Variants in HECW2 observed in about 807,000 individuals in gnomAD.
HECW2 encodes the protein E3 ubiquitin-protein ligase HECW2.
A neutral mutation model predicts 175.2 loss-of-function variants in HECW2; 61 were observed. The observed-to-expected ratio is 0.35, with a 90% CI of 0.28 to 0.43. The LOEUF (loss-of-function observed/expected upper bound fraction) is 0.43, where lower values mean the gene tolerates loss of function less well. Ranked by LOEUF, HECW2 falls within the 20% of genes least tolerant of loss-of-function variation. The pLI is 1.00. For missense variants in HECW2, 1,524 were observed against 2,000.5 expected, an observed-to-expected ratio of 0.76 and a Z score of 4.54; for synonymous variants, 671 against 731.0, an observed-to-expected ratio of 0.92 and a Z score of 1.32.
At chr2:196,381,382 T>C (rs1694203264) in intron 2 of HECW2, among the ~76,000 whole-genome samples, 1 of 152,174 alleles carries the variant, frequency 6.6e-6, no homozygotes, top group African/African-American at 2.4e-5. Context: ...TTTGGTGCCT[T>C]AGCTGTTAAT....
At chr2:196,217,194 G>A (rs1196213750) in intron 26 of HECW2, 101 bp from the exon 27 acceptor site, 7 of 758,958 alleles carry the variant, frequency 9.2e-6, no homozygotes, top group Middle Eastern at 2.4e-4. Context: ...TCATCCTCTT[G>A]AATTCTTTAC....
At chr2:196,296,347 G>A (rs1690814437) in intron 13 of HECW2, among the ~76,000 whole-genome samples, 1 of 152,122 alleles carries the variant, frequency 6.6e-6, no homozygotes, top group African/African-American at 2.4e-5. Context: ...TTCTCCATAG[G>A]CACGTGAGAT....
At chr2:196,583,835 A>T (rs1331116134) in intron 1 of HECW2, among the ~76,000 whole-genome samples, 1 of 152,246 alleles carries the variant, frequency 6.6e-6, no homozygotes, top group Non-Finnish European at 1.5e-5. Context: ...GCATCTGCCA[A>T]GTTTCCATAT....
intron 1 of HECW2, among the ~76,000 whole-genome samples, chr2:196,470,875 A>G (rs1309314477): frequency 6.6e-6 from 1 of 152,116 alleles, no homozygotes; most frequent in Non-Finnish European, 1.5e-5. Flanking sequence ...TAGAATGTAT[A>G]AAACTCAGAA....
chr2:196,542,987 T>C (rs1689281578), intron 1 of HECW2, among the ~76,000 whole-genome samples: 1 of 148,700 alleles, frequency 6.7e-6, no homozygotes, highest in African/African-American at 2.4e-5. Context: ...ATATCTAATA[T>C]ATATAAAATC....
chr2:196,276,795 T>G (rs2105979795), intron 15 of HECW2, among the ~76,000 whole-genome samples: 1 of 152,334 alleles, frequency 6.6e-6, no homozygotes, highest in African/African-American at 2.4e-5. Flanking sequence ...ATGTGCACCC[T>G]TCTATATCTG....
At chr2:196,388,293 C>CA (rs958281921) in intron 2 of HECW2, among the ~76,000 whole-genome samples, 7 of 151,724 alleles carry the variant, frequency 4.6e-5, no homozygotes, top group East Asian at 1.9e-4. Flanking sequence ...GACACTGTCT[C>CA]AAAAAAAATT....
chr2:196,569,619 G>T (rs1575682593), intron 1 of HECW2, among the ~76,000 whole-genome samples: 1 of 152,120 alleles, frequency 6.6e-6, no homozygotes, highest in Non-Finnish European at 1.5e-5. Context: ...TCACTAGGGG[G>T]ACCCTCTATC....
intron 1 of HECW2, among the ~76,000 whole-genome samples, chr2:196,521,721 G>C (rs565553683): frequency 1.9e-4 from 28 of 147,888 alleles, no homozygotes; most frequent in South Asian, 1.7e-3. Context: ...CTATGAGTGA[G>C]AATATGCAGT....
chr2:196,198,432 C>T lies in HECW2; in HGVS notation c.*2845G>A, dbSNP rs1411636362. ...CTCTCTTCATTCCTTGATTGTAGAA[C>T]TTACCAAATTTTATTAAAAACACTT... is the stretch of plus-strand genomic sequence containing the variant. On this transcript the variant is annotated 3_prime_UTR_variant, in exon 29 of 29. Coordinates refer to ENST00000644978, the MANE Select transcript of HECW2 (RefSeq NM_001348768.2). 6.6e-6 allele frequency: 1 copy of T among 152,144 alleles called. No individual in the cohort carries two copies. The highest frequency in any genetic ancestry group is 6.5e-5 in the Admixed American group (1 of 15,284). 9.4% of individuals were successfully genotyped at this position (152,144 alleles called of 1,614,324 possible).
rs1051813129 is a variant in HECW2 at position 196,194,926 on chromosome 2, C to A, written c.*6351G>T. 1.3e-5 allele frequency: 2 copies of A among 151,980 alleles called. No homozygotes were observed. The highest frequency in any genetic ancestry group is 2.9e-5 in the Non-Finnish European group (2 of 67,978). 9.4% of individuals were successfully genotyped at this position (151,980 alleles called of 1,614,324 possible). ...TCTTAGAAATAATTTTTTTACAGAG[C>A]CTTAATATTAAAAAGTAATCATTAC... On this transcript the variant is annotated 3_prime_UTR_variant, in exon 29 of 29. Coordinates refer to ENST00000644978, the MANE Select transcript of HECW2 (RefSeq NM_001348768.2).
intron 19 of HECW2, among the ~76,000 whole-genome samples, chr2:196,248,495 G>A (rs1232084865): frequency 6.6e-6 from 1 of 151,780 alleles, no homozygotes; most frequent in African/African-American, 2.4e-5. Context: ...GTCAAGGGAA[G>A]GGATCAAACA....
intron 4 of HECW2, among the ~76,000 whole-genome samples, chr2:196,332,147 GACC>G (rs142451500): frequency 4.6e-5 from 7 of 151,746 alleles, no homozygotes; most frequent in Non-Finnish European, 7.4e-5. Context: ...TGAGAAAAGA[GACC>G]ACATGATTAG....
At chr2:196,247,401 G>T (rs1049820406) in intron 19 of HECW2, among the ~76,000 whole-genome samples, 6 of 152,190 alleles carry the variant, frequency 3.9e-5, no homozygotes, top group African/African-American at 1.4e-4. Context: ...TTGGAAGATT[G>T]CGCTAATAAA....
intron 17 of HECW2, among the ~76,000 whole-genome samples, chr2:196,266,685 A>G (rs1689530233): frequency 6.6e-6 from 1 of 152,252 alleles, no homozygotes. Context: ...AAAGCTAGAA[A>G]AGAAATAGGT....
At chr2:196,202,997 A>G (rs1686921806) in intron 28 of HECW2, among the ~76,000 whole-genome samples, 1 of 152,166 alleles carries the variant, frequency 6.6e-6, no homozygotes, top group Non-Finnish European at 1.5e-5. Context: ...CATGAAACAA[A>G]GTTTTGACCG....
chr2:196,258,818 T>C (rs1050150671), intron 17 of HECW2, among the ~76,000 whole-genome samples: 2 of 152,206 alleles, frequency 1.3e-5, no homozygotes, highest in Admixed American at 1.3e-4. Flanking sequence ...ATAATGCAAA[T>C]ATGCAATTTT....
chr2:196,284,129 T>C (rs772159517), intron 14 of HECW2, among the ~76,000 whole-genome samples: 5 of 152,172 alleles, frequency 3.3e-5, no homozygotes, highest in African/African-American at 7.2e-5. Flanking sequence ...TCATTATGTA[T>C]TGAATGAGGC....
chr2:196,502,158 T>G (rs1332870522), intron 1 of HECW2, among the ~76,000 whole-genome samples: 3 of 152,222 alleles, frequency 2.0e-5, no homozygotes, highest in South Asian at 4.1e-4. Context: ...ATATTCTCAT[T>G]TTGCTGAAAA....
Sources: gnomAD v4.1 joint callset for allele counts (sites outside exome capture counted in the v4.1 genomes callset) on GRCh38, gnomAD v4.1.1 for gene constraint, MANE v1.5 for transcripts, NCBI Gene and HGNC (gene_info 2026-07-23, HGNC 2026-07-21) for gene names.